PCDH11X: variants seen among roughly 807,000 people sequenced by gnomAD.
PCDH11X encodes the protein protocadherin 11 X-linked.
PCDH11X carries 18 observed loss-of-function variants against 53.3 expected under a neutral mutation model. That is an observed-to-expected ratio of 0.34 (90% confidence interval 0.23 to 0.50). The LOEUF (loss-of-function observed/expected upper bound fraction) is 0.50, where lower values mean the gene tolerates loss of function less well. PCDH11X is among the 20% of genes least tolerant of loss of function. The pLI is 0.98. For missense variants in PCDH11X, 570 were observed against 1,032.4 expected (o/e 0.55, Z 6.14); for synonymous variants, 279 against 393.3 (o/e 0.71, Z 3.44).
chrX:92,300,349 A>G (rs1281462452), intron 8 of PCDH11X, among the ~76,000 whole-genome samples: 2 of 111,308 alleles, frequency 1.8e-5, no homozygotes, highest in Non-Finnish European at 3.8e-5. Context: ...ATGTAAGAAG[A>G]CACTCTGGCT....
chrX:91,829,664 G>A (rs1937045645), intron 4 of PCDH11X, among the ~76,000 whole-genome samples: 1 of 110,643 alleles, frequency 9.0e-6, no homozygotes, highest in Non-Finnish European at 1.9e-5. Flanking sequence ...TCCTTTACAC[G>A]AGGGACCTTT....
intron 9 of PCDH11X, among the ~76,000 whole-genome samples, chrX:92,422,256 C>G (rs1308011451): frequency 9.3e-6 from 1 of 107,957 alleles, no homozygotes; most frequent in East Asian, 2.9e-4. Flanking sequence ...TTGGTACACA[C>G]ATCACCCCAG....
At chrX:92,386,949 A>G (rs1299849355) in intron 8 of PCDH11X, among the ~76,000 whole-genome samples, 1 of 96,968 alleles carries the variant, frequency 1.0e-5, no homozygotes, top group Non-Finnish European at 2.1e-5. Flanking sequence ...TGGGGAGCCT[A>G]TTTTTGGAGA....
At chrX:92,452,500 T>TATATATA (rs1491346022) in intron 9 of PCDH11X, among the ~76,000 whole-genome samples, 2 of 28,367 alleles carry the variant, frequency 7.1e-5, no homozygotes, top group African/African-American at 1.1e-3. Flanking sequence ...TATATATATG[T>TATATATA]TTTTTTTTTT....
intron 6 of PCDH11X, among the ~76,000 whole-genome samples, chrX:92,145,410 T>G (rs2065252927): frequency 1.8e-5 from 2 of 110,971 alleles, no homozygotes; most frequent in South Asian, 7.7e-4. Context: ...TGATAGTTCA[T>G]GTAAAGGCAA....
Position 92,220,785 on chromosome X carries a change from A to G in PCDH11X, c.3114+19330A>G, listed in dbSNP as rs1361728216. ...TGCGGCACTATTCACAATAGCAAAG[A>G]CTTGGAACCAACCCAAATGTCCAAC... On this transcript the variant is annotated intron_variant, in intron 7 of 10. Coordinates refer to ENST00000682573, the MANE Select transcript of PCDH11X (RefSeq NM_032968.5). Among the ~76,000 whole-genome samples the G allele has an allele frequency of 5.7e-5, 6 of 105,780 alleles. No homozygotes were observed. The East Asian group carries it at 1.5e-3, about 26-fold the overall frequency. The allele number at this position is 105,780 out of a possible 115,157, so 91.9% of individuals were successfully genotyped here.
chrX:92,123,638 A>G, intron 6 of PCDH11X, among the ~76,000 whole-genome samples: 1 of 101,522 alleles, frequency 9.9e-6, no homozygotes, highest in East Asian at 3.4e-4. Flanking sequence ...TCTGCCTCCA[A>G]ACTCTGTCAT....
rs1208150851 is a variant in PCDH11X at position 92,123,377 on chromosome X, G to GT, written c.3034-77997dup. Among the ~76,000 whole-genome samples the GT allele has an allele frequency of 5.5e-3, 615 of 111,412 alleles. 2 individuals are homozygous for GT. The highest frequency in any genetic ancestry group is 0.019 in the African/African-American group (587 of 30,705). On this transcript the variant is annotated intron_variant, in intron 6 of 10. Coordinates refer to ENST00000682573, the MANE Select transcript of PCDH11X (RefSeq NM_032968.5). ...CATTGTCACACCACCTACTCGACCT[G>GT]TAAGTGTCGTTTCTCAGAGGTCAGT... is the stretch of plus-strand genomic sequence containing the variant.
chrX:92,016,712 A>G (rs781366811), intron 6 of PCDH11X, among the ~76,000 whole-genome samples: 32 of 111,499 alleles, frequency 2.9e-4, no homozygotes, highest in African/African-American at 1.0e-3. Flanking sequence ...TCTTCTATCT[A>G]GACCACTGAA....
chrX:91,836,109 A>G, intron 5 of PCDH11X, 65 bp downstream of exon 5: 1 of 1,093,308 alleles, frequency 9.1e-7, no homozygotes, highest in Non-Finnish European at 1.2e-6. Flanking sequence ...ATAAAATGAT[A>G]TTAATGTATT....
At chrX:92,096,277 A>G (rs2064131569) in intron 6 of PCDH11X, among the ~76,000 whole-genome samples, 1 of 111,407 alleles carries the variant, frequency 9.0e-6, no homozygotes, top group Non-Finnish European at 1.9e-5. Flanking sequence ...TTCATTCTGA[A>G]TGATATATGC....
At chrX:92,022,353 C>G (rs1229287839) in intron 6 of PCDH11X, among the ~76,000 whole-genome samples, 2 of 107,797 alleles carry the variant, frequency 1.9e-5, no homozygotes, top group East Asian at 3.0e-4. Context: ...AAAGCAACAA[C>G]AACAACAAAA....
At chrX:92,036,947 G>C (rs916584586) in intron 6 of PCDH11X, among the ~76,000 whole-genome samples, 11 of 111,664 alleles carry the variant, frequency 9.9e-5, no homozygotes, top group Non-Finnish European at 1.7e-4. Context: ...TTTAGCAAGG[G>C]GACTGGCGGT....
At chrX:92,136,226 T>C (rs748317246) in intron 6 of PCDH11X, among the ~76,000 whole-genome samples, 124 of 110,724 alleles carry the variant, frequency 1.1e-3, no homozygotes, top group African/African-American at 3.8e-3. Flanking sequence ...GGAGTAATCA[T>C]GTGGCTATTT....
At chrX:92,379,714 A>G (rs1035030860) in intron 8 of PCDH11X, among the ~76,000 whole-genome samples, 2 of 109,692 alleles carry the variant, frequency 1.8e-5, no homozygotes, top group African/African-American at 6.6e-5. Flanking sequence ...CCATGGACCA[A>G]TCAGCATGGA....
intron 10 of PCDH11X, among the ~76,000 whole-genome samples, chrX:92,475,164 CAAAAAAAAAAAAAAA>C (rs761171281): frequency 3.3e-5 from 1 of 30,539 alleles, no homozygotes; most frequent in African/African-American, 1.6e-4. Flanking sequence ...GACTCCGTCT[CAAAAAAAAAAAAAAA>C]AAAAAAAAAA....
At chrX:92,143,990 A>G (rs1180816483) in intron 6 of PCDH11X, among the ~76,000 whole-genome samples, 1 of 111,601 alleles carries the variant, frequency 9.0e-6, no homozygotes, top group African/African-American at 3.3e-5. Context: ...GTCATTTTGG[A>G]GCTTTAAAAT....
At chrX:91,834,798 G>C (rs1470013840) in intron 4 of PCDH11X, 1 of 116,004 alleles carries the variant, frequency 8.6e-6, no homozygotes, top group East Asian at 2.9e-4. Context: ...AGCTATTCTT[G>C]TTTTTCTTAT....
chrX:91,953,033 T>C (rs1365722165), intron 6 of PCDH11X, among the ~76,000 whole-genome samples: 1 of 110,211 alleles, frequency 9.1e-6, no homozygotes, highest in Non-Finnish European at 1.9e-5. Context: ...AGTAGAAAGA[T>C]GGTTACCAGA....
Sources: gnomAD v4.1 joint callset for allele counts (sites outside exome capture counted in the v4.1 genomes callset) on GRCh38, gnomAD v4.1.1 for gene constraint, MANE v1.5 for transcripts, NCBI Gene and HGNC (gene_info 2026-07-23, HGNC 2026-07-21) for gene names.